Variants in SLC44A5 observed in about 807,000 individuals in gnomAD.
SLC44A5 encodes the protein choline transporter-like protein 5.
Under a neutral mutation model 101.8 loss-of-function variants are expected in SLC44A5, and 57 were observed. The observed-to-expected ratio is 0.56, with a 90% CI of 0.45 to 0.70. The LOEUF (loss-of-function observed/expected upper bound fraction) is 0.70. Among genes scored for constraint, SLC44A5 ranks in the 30% least tolerant of loss-of-function variants. The pLI is 0.00. For missense variants in SLC44A5, 737 were observed against 853.1 expected, an observed-to-expected ratio of 0.86 and a Z score of 1.70; for synonymous variants, 281 against 290.9, an observed-to-expected ratio of 0.97 and a Z score of 0.35.
intron 2 of SLC44A5, among the ~76,000 whole-genome samples, chr1:75,517,834 C>T (rs1482914462): frequency 1.3e-5 from 2 of 152,332 alleles, no homozygotes; most frequent in East Asian, 1.9e-4. Context: ...TTGACAATCT[C>T]TCCAGGCTCT....
chr1:75,253,865 C>A (rs961523536), intron 6 of SLC44A5, among the ~76,000 whole-genome samples: 5 of 151,998 alleles, frequency 3.3e-5, no homozygotes, highest in African/African-American at 1.2e-4. Context: ...CATACTTGGC[C>A]CACTCTAGAC....
chr1:75,705,048 T>A, the SLC44A5 span, among the ~76,000 whole-genome samples: 1 of 152,190 alleles, frequency 6.6e-6, no homozygotes, highest in African/African-American at 2.4e-5. Flanking sequence ...GAGATAATCA[T>A]ATGTCCCCCC....
At chr1:75,542,729 G>C (rs138611790) in intron 1 of SLC44A5, among the ~76,000 whole-genome samples, 15 of 152,170 alleles carry the variant, frequency 9.9e-5, no homozygotes, top group African/African-American at 3.6e-4. Context: ...ACATATTTAA[G>C]ATTAAGCTTT....
At chr1:75,701,238 A>G in the SLC44A5 span, among the ~76,000 whole-genome samples, 1 of 152,210 alleles carries the variant, frequency 6.6e-6, no homozygotes, top group Non-Finnish European at 1.5e-5. Flanking sequence ...CCTGATGAAC[A>G]TCGATGCAAA....
chr1:75,638,325 G>T, the SLC44A5 span, among the ~76,000 whole-genome samples: 1 of 152,038 alleles, frequency 6.6e-6, no homozygotes, highest in Non-Finnish European at 1.5e-5. Flanking sequence ...ATAGTAAGTA[G>T]AATCTAGTTT....
intron 3 of SLC44A5, among the ~76,000 whole-genome samples, chr1:75,371,783 TC>T (rs1660242820): frequency 6.6e-6 from 1 of 152,226 alleles, no homozygotes; most frequent in Non-Finnish European, 1.5e-5. Flanking sequence ...TTTATTTAGT[TC>T]AACCTTCTAA....
chr1:75,527,565 A>G (rs960369740), intron 2 of SLC44A5, among the ~76,000 whole-genome samples: 1 of 152,224 alleles, frequency 6.6e-6, no homozygotes, highest in African/African-American at 2.4e-5. Context: ...TCCTGGAAGA[A>G]AACATATCTG....
the SLC44A5 span, among the ~76,000 whole-genome samples, chr1:75,703,975 C>T: frequency 6.6e-6 from 1 of 152,068 alleles, no homozygotes; most frequent in Non-Finnish European, 1.5e-5. Context: ...ATTGCTTGAG[C>T]CCAGGAGTTC....
intron 2 of SLC44A5, among the ~76,000 whole-genome samples, chr1:75,397,893 C>T (rs1213069138): frequency 6.6e-6 from 1 of 152,124 alleles, no homozygotes; most frequent in Non-Finnish European, 1.5e-5. Context: ...CCACCACACA[C>T]ACACCTTTAA....
chr1:75,682,031 G>A, the SLC44A5 span, among the ~76,000 whole-genome samples: 4 of 152,038 alleles, frequency 2.6e-5, no homozygotes, highest in Admixed American at 6.6e-5. Context: ...AAAATACCTA[G>A]GAATCCAACT....
At chr1:75,331,029 G>T (rs1657015000) in intron 4 of SLC44A5, among the ~76,000 whole-genome samples, 1 of 149,704 alleles carries the variant, frequency 6.7e-6, no homozygotes, top group Non-Finnish European at 1.5e-5. Context: ...CAACTCACTG[G>T]GTGTTCTTCC....
chr1:75,570,843 C>A (rs112881557), intron 1 of SLC44A5, among the ~76,000 whole-genome samples: 1 of 152,018 alleles, frequency 6.6e-6, no homozygotes, highest in Non-Finnish European at 1.5e-5. Flanking sequence ...TAAGACAGTA[C>A]GTTAATGTGC....
the SLC44A5 span, among the ~76,000 whole-genome samples, chr1:75,690,783 A>C: frequency 1.3e-5 from 2 of 152,168 alleles, no homozygotes; most frequent in Non-Finnish European, 2.9e-5. Context: ...TAGTGCTGAG[A>C]AATCTTCACT....
chr1:75,601,441 G>T (rs1036317397), intron 1 of SLC44A5, among the ~76,000 whole-genome samples: 2 of 105,806 alleles, frequency 1.9e-5, no homozygotes, highest in East Asian at 4.1e-4. Context: ...TAAATGACGG[G>T]TTGATGGGTG....
At chr1:75,262,575 C>T (rs960387584) in intron 6 of SLC44A5, among the ~76,000 whole-genome samples, 1 of 152,144 alleles carries the variant, frequency 6.6e-6, no homozygotes, top group Non-Finnish European at 1.5e-5. Context: ...TTTATAGATT[C>T]AATGCTATCC....
At chr1:75,542,283 A>G (rs6659496) in intron 1 of SLC44A5, among the ~76,000 whole-genome samples, 3,648 of 152,230 alleles carry the variant, frequency 0.024, 149 homozygotes, top group African/African-American at 0.084. Context: ...TAACCATAGT[A>G]TAGTTGCCTA....
At chr1:75,370,764 G>A (rs1660170491) in intron 3 of SLC44A5, among the ~76,000 whole-genome samples, 2 of 152,208 alleles carry the variant, frequency 1.3e-5, no homozygotes, top group Non-Finnish European at 2.9e-5. Context: ...GTAGGCTAAT[G>A]AGAAGAGTCA....
At chr1:75,624,358 T>A in the SLC44A5 span, among the ~76,000 whole-genome samples, 1 of 152,126 alleles carries the variant, frequency 6.6e-6, no homozygotes. Context: ...AACTATGAAA[T>A]CAACAGATGC....
At chr1:75,340,175 T>A (rs553782848) in intron 3 of SLC44A5, among the ~76,000 whole-genome samples, 30 of 152,348 alleles carry the variant, frequency 2.0e-4, no homozygotes, top group African/African-American at 6.7e-4. Context: ...GTTTTTTCAA[T>A]CTACTGGCAG....
Sources: allele counts gnomAD v4.1 joint callset (sites outside exome capture counted in the v4.1 genomes callset), GRCh38; gene constraint gnomAD v4.1.1; transcripts MANE v1.5; gene names NCBI Gene and HGNC (gene_info 2026-07-23, HGNC 2026-07-21).